Variants in RBFOX1 observed in about 807,000 individuals in gnomAD.
The protein encoded by RBFOX1 is RNA binding fox-1 homolog 1.
In RBFOX1, 8 loss-of-function variants were observed where a neutral mutation model predicts 57.7. That is an observed-to-expected ratio of 0.14 (90% CI 0.08 to 0.25). The LOEUF is 0.25. Ranked by LOEUF, RBFOX1 falls within the 10% of genes least tolerant of loss-of-function variation. The pLI is 1.00. For missense variants in RBFOX1, 611 were observed against 548.5 expected, an observed-to-expected ratio of 1.11 and a Z score of -1.14; for synonymous variants, 326 against 222.4, an observed-to-expected ratio of 1.47 and a Z score of -4.15.
chr16:7,617,781 A>C (rs1311900841), intron 10 of RBFOX1, among the ~76,000 whole-genome samples: 3 of 152,224 alleles, frequency 2.0e-5, no homozygotes, highest in African/African-American at 7.2e-5. Context: ...GATGCAAAAC[A>C]AACTGTCAAT....
At chr16:7,366,935 C>G (rs1374662765) in intron 4 of RBFOX1, among the ~76,000 whole-genome samples, 1 of 152,254 alleles carries the variant, frequency 6.6e-6, no homozygotes, top group South Asian at 2.1e-4. Context: ...AGCATGTTTA[C>G]TCTTTTAAAA....
chr16:6,475,696 C>G (rs1274348375), intron 2 of RBFOX1, among the ~76,000 whole-genome samples: 1 of 152,172 alleles, frequency 6.6e-6, no homozygotes, highest in Non-Finnish European at 1.5e-5. Context: ...TCCTAGTGTT[C>G]TAATCCTGCA....
intron 2 of RBFOX1, among the ~76,000 whole-genome samples, chr16:5,542,807 C>G (rs937488742): frequency 1.3e-5 from 2 of 152,162 alleles, no homozygotes; most frequent in African/African-American, 4.8e-5. Flanking sequence ...CATCCATACT[C>G]ATTAATAAGG....
intron 3 of RBFOX1, among the ~76,000 whole-genome samples, chr16:6,675,914 T>C (rs972399516): frequency 1.4e-5 from 2 of 147,626 alleles, no homozygotes; most frequent in African/African-American, 4.9e-5. Context: ...ACATGGGATG[T>C]GGTATTTGTC....
chr16:7,410,765 C>G (rs981935178), intron 4 of RBFOX1, among the ~76,000 whole-genome samples: 2 of 152,026 alleles, frequency 1.3e-5, no homozygotes, highest in South Asian at 2.1e-4. Flanking sequence ...CAGTTTTAGA[C>G]TGATGCTCCT....
chr16:5,476,914 T>C lies in RBFOX1; in HGVS notation c.258+9660T>C, dbSNP rs1597223136. On this transcript the variant is annotated intron_variant, in intron 2 of 2. Coordinates refer to the RBFOX1 transcript ENST00000585867. ...TTATTCAAATAAAAATGTCTACCTC[T>C]CCATCTAGCCATGATAGCACATACT... Among the ~76,000 whole-genome samples, 5 of 152,248 alleles carry C rather than the reference T, an allele frequency of 3.3e-5. No homozygotes were observed. In the South Asian group the frequency reaches 1.0e-3, roughly 31 times the overall value.
At chr16:6,210,836 A>G (rs537218421) in intron 1 of RBFOX1, among the ~76,000 whole-genome samples, 2 of 152,234 alleles carry the variant, frequency 1.3e-5, no homozygotes, top group Non-Finnish European at 2.9e-5. Context: ...TGTCAGCTCC[A>G]GGCAGTCCTT....
chr16:7,133,615 A>G (rs2071108466), intron 4 of RBFOX1, among the ~76,000 whole-genome samples: 1 of 152,186 alleles, frequency 6.6e-6, no homozygotes, highest in Non-Finnish European at 1.5e-5. Flanking sequence ...TTTCCATTTT[A>G]TTGGTGGAAT....
At chr16:6,593,939 C>G (rs536068224) in intron 2 of RBFOX1, among the ~76,000 whole-genome samples, 7 of 152,268 alleles carry the variant, frequency 4.6e-5, no homozygotes, top group African/African-American at 9.6e-5. Context: ...CACCCCAATG[C>G]TTTTGTTCAA....
At chr16:6,655,898 A>C (rs1198942226) in intron 3 of RBFOX1, among the ~76,000 whole-genome samples, 1 of 152,230 alleles carries the variant, frequency 6.6e-6, no homozygotes, top group Non-Finnish European at 1.5e-5. Context: ...TTCTCAAAAC[A>C]AAAATTTGCT....
intron 4 of RBFOX1, among the ~76,000 whole-genome samples, chr16:6,003,281 CA>C (rs59758084): frequency 0.12 from 9,656 of 77,472 alleles, 430 homozygotes; most frequent in East Asian, 0.36. Flanking sequence ...ACTCTGTCTC[CA>C]AAAAAAAAAA....
intron 3 of RBFOX1, among the ~76,000 whole-genome samples, chr16:6,696,555 T>C (rs912631402): frequency 1.3e-5 from 2 of 152,218 alleles, no homozygotes; most frequent in African/African-American, 4.8e-5. Flanking sequence ...TGAGGTTTAA[T>C]TCGAGTAATT....
In RBFOX1 at chr16:6,214,071, A is replaced by T. The variant is rs562734029; in HGVS notation, c.-126-102924A>T. On this transcript the variant is annotated intron_variant, in intron 1 of 15. Transcript: ENST00000550418. ...TCCCACCCATCTCTCATACTCAAATAAGTGTTTCTTTCACTCCAAGAGCAT... is the reference window on the plus strand; with the variant it reads ...TCCCACCCATCTCTCATACTCAAATTAGTGTTTCTTTCACTCCAAGAGCAT... Among the ~76,000 whole-genome samples, 5 of 152,104 alleles carry T rather than the reference A, an allele frequency of 3.3e-5. No individual in the cohort carries two copies. In the South Asian group the frequency reaches 1.0e-3, roughly 32 times the overall value.
At chr16:5,430,798 G>T (rs973514502) in intron 1 of RBFOX1, among the ~76,000 whole-genome samples, 2 of 152,190 alleles carry the variant, frequency 1.3e-5, no homozygotes, top group Non-Finnish European at 2.9e-5. Context: ...AAAGTATTTT[G>T]CAATAGTCTT....
chr16:7,505,227 G>T (rs989454632), intron 4 of RBFOX1, among the ~76,000 whole-genome samples: 3 of 145,332 alleles, frequency 2.1e-5, no homozygotes, highest in African/African-American at 8.0e-5. Flanking sequence ...GATGATTGAG[G>T]CAACAGTGAT....
intron 2 of RBFOX1, among the ~76,000 whole-genome samples, chr16:6,440,843 G>A (rs2094362647): frequency 6.6e-6 from 1 of 151,688 alleles, no homozygotes; most frequent in Non-Finnish European, 1.5e-5. Context: ...TCAAGAGGGT[G>A]GTGATATCGA....
chr16:6,399,883 G>A (rs1406367133), intron 2 of RBFOX1, among the ~76,000 whole-genome samples: 1 of 152,170 alleles, frequency 6.6e-6, no homozygotes, highest in Non-Finnish European at 1.5e-5. Flanking sequence ...GAGAATGAGT[G>A]CCCAATGAAG....
chr16:5,791,643 G>C (rs2151732298), intron 3 of RBFOX1, among the ~76,000 whole-genome samples: 1 of 152,278 alleles, frequency 6.6e-6, no homozygotes, highest in South Asian at 2.1e-4. Context: ...ACTATAGCAA[G>C]TATTAGAGCT....
intron 4 of RBFOX1, among the ~76,000 whole-genome samples, chr16:7,331,303 C>T (rs1450376795): frequency 6.6e-6 from 1 of 152,082 alleles, no homozygotes; most frequent in East Asian, 1.9e-4. Context: ...TATCAAGTGT[C>T]CTGTTTAGAG....
Sources: allele counts gnomAD v4.1 joint callset (sites outside exome capture counted in the v4.1 genomes callset), GRCh38; gene constraint gnomAD v4.1.1; transcripts MANE v1.5; gene names NCBI Gene and HGNC (gene_info 2026-07-23, HGNC 2026-07-21).